Variants in TSHZ2 observed in about 807,000 individuals in gnomAD.
TSHZ2 encodes the protein teashirt zinc finger homeobox 2, also known as teashirt homolog 2.
In TSHZ2, 21 loss-of-function variants were observed where a neutral mutation model predicts 74.4. The observed-to-expected ratio is 0.28, with a 90% CI of 0.20 to 0.41. TSHZ2 has a LOEUF of 0.41. Among genes scored for constraint, TSHZ2 ranks in the 10% least tolerant of loss-of-function variants. The pLI is 1.00. For synonymous variants in TSHZ2, 540 were observed against 515.3 expected, an observed-to-expected ratio of 1.05 and a Z score of -0.65; for missense variants, 1,244 against 1,293.5, an observed-to-expected ratio of 0.96 and a Z score of 0.59.
At chr20:53,206,816 T>G (rs1375298864) in intron 1 of TSHZ2, among the ~76,000 whole-genome samples, 1 of 152,182 alleles carries the variant, frequency 6.6e-6, no homozygotes, top group Non-Finnish European at 1.5e-5. Context: ...CCAGCCCTGG[T>G]GGGTAACGGT....
At chr20:53,345,862 C>T (rs1980418187) in intron 2 of TSHZ2, among the ~76,000 whole-genome samples, 1 of 151,964 alleles carries the variant, frequency 6.6e-6, no homozygotes, top group Non-Finnish European at 1.5e-5. Context: ...CATTAAAAAC[C>T]ACCACCCTCC....
At chr20:53,208,328 C>T (rs1008642924) in intron 1 of TSHZ2, among the ~76,000 whole-genome samples, 1 of 152,156 alleles carries the variant, frequency 6.6e-6, no homozygotes, top group Non-Finnish European at 1.5e-5. Context: ...CTGTTCCTCC[C>T]TTTGGTAGAT....
chr20:53,294,630 C>T (rs1039721436), intron 2 of TSHZ2, among the ~76,000 whole-genome samples: 5 of 152,146 alleles, frequency 3.3e-5, no homozygotes, highest in African/African-American at 1.2e-4. Flanking sequence ...CTCCTCAGCT[C>T]CTGATACTTA....
chr20:53,267,804 G>A (rs1347592481), intron 2 of TSHZ2, among the ~76,000 whole-genome samples: 1 of 152,220 alleles, frequency 6.6e-6, no homozygotes, highest in Non-Finnish European at 1.5e-5. Flanking sequence ...GCTAAGCTCA[G>A]GCTAAGCACT....
intron 1 of TSHZ2, among the ~76,000 whole-genome samples, chr20:53,075,132 C>T (rs1293440): frequency 0.22 from 33,002 of 152,200 alleles, 4,001 homozygotes; most frequent in Middle Eastern, 0.32. Flanking sequence ...TCTATCCCAA[C>T]GATAGATCAT....
At chr20:53,189,292 A>G (rs925350885) in intron 1 of TSHZ2, among the ~76,000 whole-genome samples, 5 of 152,202 alleles carry the variant, frequency 3.3e-5, no homozygotes, top group Non-Finnish European at 7.3e-5. Context: ...AGATGACATA[A>G]GTCAAATGGA....
At position 53,255,918 on chromosome 20, in the gene TSHZ2, G is replaced by A. The variant is rs747386791; in HGVS notation, c.2460G>A (p.Lys820=). ...PASSSRVPPM[K]LEMDVRRFED... is the part of the protein sequence containing the mutation. ...CCTCCTCCAGGGTCCCCCCCATGAA[G>A]CTGGAAATGGATGTCAGGCGCTTTG... is the stretch of plus-strand genomic sequence containing the variant. The change falls in exon 2 of 3, where the codon AAG becomes AAA. Residue 820 remains lysine (K), a synonymous_variant. Transcript: ENST00000371497. The surrounding 1 kb of genome is among the most constrained non-coding windows in gnomAD (Gnocchi z 4.1). 6.2e-7 allele frequency: 1 copy of A among 1,614,138 alleles called. No homozygotes were observed. Among genetic ancestry groups the A allele is most frequent in the Non-Finnish European group, 8.5e-7 (1 of 1,180,034 alleles).
At chr20:53,029,814 G>A (rs1386876768) in intron 1 of TSHZ2, among the ~76,000 whole-genome samples, 1 of 152,052 alleles carries the variant, frequency 6.6e-6, no homozygotes. Flanking sequence ...CTCAAAGTGG[G>A]AGGAGCTTTC....
At chr20:53,182,611 G>A (rs1988507619) in intron 1 of TSHZ2, among the ~76,000 whole-genome samples, 1 of 152,194 alleles carries the variant, frequency 6.6e-6, no homozygotes, top group South Asian at 2.1e-4. Context: ...AATTAAAATG[G>A]TATACATTTT....
chr20:53,173,127 C>T (rs915910825), intron 1 of TSHZ2, among the ~76,000 whole-genome samples: 8 of 152,164 alleles, frequency 5.3e-5, no homozygotes, highest in African/African-American at 1.9e-4. Context: ...AAATAGAGCT[C>T]TGCCTTCAAG....
intron 2 of TSHZ2, among the ~76,000 whole-genome samples, chr20:53,423,110 A>T (rs974531093): frequency 7.9e-5 from 12 of 152,158 alleles, no homozygotes; most frequent in Non-Finnish European, 4.4e-5. Context: ...AAGGTATATG[A>T]TATTTGGGTT....
chr20:53,272,702 C>T (rs1990865203), intron 2 of TSHZ2, among the ~76,000 whole-genome samples: 1 of 152,118 alleles, frequency 6.6e-6, no homozygotes, highest in Admixed American at 6.5e-5. Context: ...GAAACATTTC[C>T]AGCCTGCCGT....
chr20:53,096,456 A>G (rs541486026), intron 1 of TSHZ2, among the ~76,000 whole-genome samples: 8 of 152,140 alleles, frequency 5.3e-5, no homozygotes, highest in Admixed American at 5.2e-4. Context: ...ATTGTTTTTT[A>G]GTACAGGTGT....
intron 2 of TSHZ2, among the ~76,000 whole-genome samples, chr20:53,302,596 C>T (rs527961216): frequency 6.6e-6 from 1 of 152,118 alleles, no homozygotes; most frequent in Admixed American, 6.5e-5. Context: ...CAGTGTTTCT[C>T]GAACCCTCTT....
chr20:53,278,489 G>T lies in TSHZ2; in HGVS notation c.*8+21918G>T, dbSNP rs73274234. ...GTCATTTGAAGTATACCCTCCTGTT[G>T]CCAGGACTGATGCAGTAGCCACCTT... On this transcript the variant is annotated intron_variant, in intron 2 of 2. Transcript: ENST00000371497. 7.8e-3 allele frequency among the ~76,000 whole-genome samples: 1,188 copies of T among 152,054 alleles called. 15 individuals are homozygous for T. Among genetic ancestry groups the T allele is most frequent in the African/African-American group, 0.028 (1,142 of 41,458 alleles).
chr20:53,027,323 G>A (rs1332762083), intron 1 of TSHZ2, among the ~76,000 whole-genome samples: 1 of 152,130 alleles, frequency 6.6e-6, no homozygotes, highest in Non-Finnish European at 1.5e-5. Context: ...GCTCATATAT[G>A]TATTTATGTA....
chr20:53,411,784 A>G (rs1441822461), intron 2 of TSHZ2, among the ~76,000 whole-genome samples: 1 of 152,160 alleles, frequency 6.6e-6, no homozygotes, highest in Non-Finnish European at 1.5e-5. Flanking sequence ...AGCTCTGTTC[A>G]AGCTACTGCA....
chr20:52,998,774 A>G (rs1290345957), intron 1 of TSHZ2, among the ~76,000 whole-genome samples: 1 of 152,220 alleles, frequency 6.6e-6, no homozygotes, highest in African/African-American at 2.4e-5. Flanking sequence ...TACATGTAGA[A>G]GCTCAATAAA....
intron 1 of TSHZ2, among the ~76,000 whole-genome samples, chr20:53,246,040 C>CTTTTTTTTTTTTTTT (rs57243805): frequency 2.6e-4 from 34 of 130,596 alleles, no homozygotes; most frequent in Admixed American, 4.5e-4. Flanking sequence ...TTCTTTCTTT[C>CTTTTTTTTTTTTTTT]TTTTTTTTTT....
Sources: gnomAD v4.1 joint callset for allele counts (sites outside exome capture counted in the v4.1 genomes callset) on GRCh38, gnomAD v4.1.1 for gene constraint, Gnocchi (gnomAD v3.1) non-coding constraint, MANE v1.5 for transcripts, NCBI Gene and HGNC (gene_info 2026-07-23, HGNC 2026-07-21) for gene names.